DLC1: variants seen among roughly 807,000 people sequenced by gnomAD.
DLC1 encodes DLC1 Rho GTPase activating protein.
Under a neutral mutation model 140.3 loss-of-function variants are expected in DLC1, and 54 were observed. The ratio of observed to expected loss-of-function variants is 0.38; its 90% CI spans 0.31 to 0.48. The LOEUF is 0.48. DLC1 is among the 20% of genes least tolerant of loss of function. The probability of loss-of-function intolerance (pLI) is 0.96; values close to 1 mark genes in which losing one functional copy is unlikely to be tolerated. For synonymous variants in DLC1, 986 were observed against 728.1 expected, an observed-to-expected ratio of 1.35 and a Z score of -5.70; for missense variants, 2,536 against 1,907.0, an observed-to-expected ratio of 1.33 and a Z score of -6.14.
At chr8:13,117,034 C>T (rs1820612254) in intron 5 of DLC1, among the ~76,000 whole-genome samples, 1 of 152,156 alleles carries the variant, frequency 6.6e-6, no homozygotes, top group Non-Finnish European at 1.5e-5. Flanking sequence ...ATTATTTGAG[C>T]TTACTTTTTT....
intron 3 of DLC1, among the ~76,000 whole-genome samples, chr8:13,399,218 A>G (rs1183953823): frequency 6.6e-6 from 1 of 152,148 alleles, no homozygotes; most frequent in African/African-American, 2.4e-5. Flanking sequence ...TAGGAAGAAC[A>G]TGCTCTGACT....
chr8:13,365,202 T>C (rs929130466), intron 4 of DLC1, among the ~76,000 whole-genome samples: 1 of 152,192 alleles, frequency 6.6e-6, no homozygotes, highest in Non-Finnish European at 1.5e-5. Flanking sequence ...GATTCCTTTG[T>C]GGACTTAAAT....
intron 1 of DLC1, among the ~76,000 whole-genome samples, chr8:13,570,146 T>A (rs910331943): frequency 3.3e-5 from 5 of 152,232 alleles, no homozygotes; most frequent in African/African-American, 9.6e-5. Context: ...TAAGGTCACA[T>A]AGTGGTTCTT....
chr8:13,346,951 T>C (rs781460136), intron 4 of DLC1, among the ~76,000 whole-genome samples: 20 of 152,228 alleles, frequency 1.3e-4, no homozygotes, highest in Non-Finnish European at 1.5e-4. Flanking sequence ...ACAGTCAAGA[T>C]ATTCTGAGAG....
intron 1 of DLC1, among the ~76,000 whole-genome samples, chr8:13,506,014 T>G (rs1403108061): frequency 6.6e-6 from 1 of 152,196 alleles, no homozygotes; most frequent in Admixed American, 6.5e-5. Context: ...CAAATGCAGG[T>G]ATCTTATTTT....
rs1817589145 is a variant in DLC1 at position 13,086,606 on chromosome 8, C to T, written c.4293-143G>A. Reference sequence around the variant, plus strand: ...GTGTGACCCAGGCCTAGGTAAATGGCATCCTCTAAACTACTTGCTATGGTG... The same window carrying T: ...GTGTGACCCAGGCCTAGGTAAATGGTATCCTCTAAACTACTTGCTATGGTG... On this transcript the variant is annotated intron_variant, in intron 16 of 17. Transcript: ENST00000276297. 2.2e-5 allele frequency: 19 copies of T among 856,652 alleles called. No individual in the cohort carries two copies. The South Asian group carries it at 3.2e-4, about 14-fold the overall frequency. 53.1% of individuals were successfully genotyped at this position (856,652 alleles called of 1,614,324 possible). A position where few individuals can be genotyped will look rare whatever the true frequency, so the allele number is the denominator to read the frequency against.
chr8:13,200,783 A>C (rs969289605), intron 5 of DLC1, among the ~76,000 whole-genome samples: 2 of 152,018 alleles, frequency 1.3e-5, no homozygotes, highest in Admixed American at 6.6e-5. Context: ...TTTTTTGTGG[A>C]GATGGGGACT....
chr8:13,153,510 G>T (rs754701546), intron 5 of DLC1, among the ~76,000 whole-genome samples: 18 of 152,166 alleles, frequency 1.2e-4, no homozygotes, highest in Non-Finnish European at 2.2e-4. Flanking sequence ...CAAACAGGTC[G>T]CCACTGCTGG....
chr8:13,101,024 C>T (rs766270788), intron 8 of DLC1: 25 of 397,300 alleles, frequency 6.3e-5, no homozygotes, highest in Non-Finnish European at 1.0e-4. Flanking sequence ...CAAAGTGCTG[C>T]GGTGACAGGG....
chr8:13,530,162 G>T (rs1259444869), intron 1 of DLC1, among the ~76,000 whole-genome samples: 1 of 152,086 alleles, frequency 6.6e-6, no homozygotes, highest in African/African-American at 2.4e-5. Flanking sequence ...TCAAAAATGA[G>T]GGATGCTTTG....
intron 2 of DLC1, among the ~76,000 whole-genome samples, chr8:13,478,900 C>T (rs1800558338): frequency 6.6e-6 from 1 of 152,212 alleles, no homozygotes; most frequent in African/African-American, 2.4e-5. Flanking sequence ...CAAAAACTTG[C>T]CTAAACAAGC....
intron 4 of DLC1, chr8:13,341,963 A>C (rs908462630): frequency 6.6e-6 from 1 of 152,212 alleles, no homozygotes; most frequent in Non-Finnish European, 1.5e-5. Context: ...TCTATTCTAC[A>C]AGCTAAGTGG....
chr8:13,466,635 C>T (rs969076787), intron 2 of DLC1, among the ~76,000 whole-genome samples: 1 of 152,144 alleles, frequency 6.6e-6, no homozygotes, highest in African/African-American at 2.4e-5. Context: ...TTCCCTGGAG[C>T]CCCATCAGAG....
At chr8:13,356,812 A>G (rs1834961244) in intron 4 of DLC1, among the ~76,000 whole-genome samples, 1 of 151,972 alleles carries the variant, frequency 6.6e-6, no homozygotes. Flanking sequence ...TGCTGTTTCT[A>G]TTCCTGGACC....
chr8:13,503,011 G>T (rs1585214727), intron 1 of DLC1, among the ~76,000 whole-genome samples: 2 of 152,298 alleles, frequency 1.3e-5, no homozygotes, highest in Middle Eastern at 6.8e-3. Context: ...CCAAATTTGT[G>T]ATATTCGTGC....
At chr8:13,392,141 A>C (rs1316551794) in intron 4 of DLC1, among the ~76,000 whole-genome samples, 1 of 152,170 alleles carries the variant, frequency 6.6e-6, no homozygotes, top group Non-Finnish European at 1.5e-5. Context: ...ACCCCGAAAG[A>C]TCATTGTGCA....
chr8:13,145,171 G>A (rs1823324039), intron 5 of DLC1, among the ~76,000 whole-genome samples: 1 of 152,052 alleles, frequency 6.6e-6, no homozygotes, highest in African/African-American at 2.4e-5. Context: ...ACTTATGAGA[G>A]ATAGCAGAGC....
chr8:13,240,270 C>G (rs983246729), intron 5 of DLC1, among the ~76,000 whole-genome samples: 1 of 152,074 alleles, frequency 6.6e-6, no homozygotes, highest in Admixed American at 6.6e-5. Flanking sequence ...AGATTTAGCC[C>G]AGATTCAAAG....
chr8:13,570,781 A>G (rs1804624998), intron 1 of DLC1, among the ~76,000 whole-genome samples: 1 of 151,972 alleles, frequency 6.6e-6, no homozygotes, highest in Admixed American at 6.6e-5. Flanking sequence ...TCAGCTCTCA[A>G]ATTTTATTGT....
Sources: allele counts gnomAD v4.1 joint callset (sites outside exome capture counted in the v4.1 genomes callset), GRCh38; gene constraint gnomAD v4.1.1; transcripts MANE v1.5; gene names NCBI Gene and HGNC (gene_info 2026-07-23, HGNC 2026-07-21).